HLF: variants seen among roughly 807,000 people sequenced by gnomAD.
HLF encodes the protein hepatic leukemia factor.
HLF carries 3 observed loss-of-function variants against 22.6 expected under a neutral mutation model. The observed-to-expected ratio is 0.13, with a 90% CI of 0.06 to 0.34. The LOEUF is 0.34. HLF is among the 10% of genes least tolerant of loss of function. The pLI, the probability that HLF is intolerant of heterozygous loss-of-function variation, is 1.00. For synonymous variants in HLF, 151 were observed against 151.8 expected (o/e 0.99, Z 0.04); for missense variants, 299 against 389.2 (o/e 0.77, Z 1.95).
Position 55,289,239 on chromosome 17 carries a change from C to CCAT in HLF, c.451+21154_451+21156dup, listed in dbSNP as rs745537688. ...TTGCTAAAGGCTTCCAAGCACCAGG[C>CCAT]CATGAGCAGTTGACCCCACCACAGA... On this transcript the variant is annotated intron_variant, in intron 2 of 3. Coordinates refer to ENST00000226067, the MANE Select transcript of HLF (RefSeq NM_002126.5). Among the ~76,000 whole-genome samples, 29 of 152,278 alleles carry CCAT rather than the reference C, an allele frequency of 1.9e-4. No homozygotes were observed. In the East Asian group the frequency reaches 5.6e-3, roughly 29 times the overall value.
intron 2 of HLF, among the ~76,000 whole-genome samples, chr17:55,280,100 T>TA (rs1235015636): frequency 1.3e-5 from 2 of 152,240 alleles, no homozygotes; most frequent in Non-Finnish European, 2.9e-5. Flanking sequence ...GCTCAGTATA[T>TA]AAATGGCAGC....
intron 2 of HLF, among the ~76,000 whole-genome samples, chr17:55,297,715 C>T (rs113276789): frequency 0.01 from 1,479 of 145,980 alleles, 17 homozygotes; most frequent in Non-Finnish European, 0.018. Flanking sequence ...CTGAGGACCA[C>T]GTGTCTTCAT....
At chr17:55,269,146 T>C (rs2080827226) in intron 2 of HLF, among the ~76,000 whole-genome samples, 1 of 152,122 alleles carries the variant, frequency 6.6e-6, no homozygotes, top group African/African-American at 2.4e-5. Context: ...CTGTGGCACA[T>C]GGAGCAAGAT....
chr17:55,312,440 T>C (rs1467778614), intron 2 of HLF, among the ~76,000 whole-genome samples: 1 of 152,220 alleles, frequency 6.6e-6, no homozygotes, highest in Non-Finnish European at 1.5e-5. Context: ...TAAAAACATA[T>C]ACCTAAAAAT....
At chr17:55,305,648 C>G (rs1904512017) in intron 2 of HLF, among the ~76,000 whole-genome samples, 1 of 152,210 alleles carries the variant, frequency 6.6e-6, no homozygotes, top group South Asian at 2.1e-4. Context: ...GTTTCACCCC[C>G]TCTCCCTCTC....
intron 1 of HLF, 155 bp from the exon 2 acceptor site, chr17:55,267,596 C>T (rs919327413): frequency 1.7e-6 from 1 of 573,492 alleles, no homozygotes; most frequent in Non-Finnish European, 3.0e-6. Flanking sequence ...CCTGCCTGAA[C>T]TTTTAACTCT....
chr17:55,301,323 G>C (rs2051778873), intron 2 of HLF, among the ~76,000 whole-genome samples: 1 of 152,240 alleles, frequency 6.6e-6, no homozygotes, highest in Admixed American at 6.5e-5. Flanking sequence ...CATAGTAGGG[G>C]CTCAATAAAA....
chr17:55,297,405 T>C (rs2081119881), intron 2 of HLF, among the ~76,000 whole-genome samples: 2 of 152,186 alleles, frequency 1.3e-5, no homozygotes, highest in South Asian at 4.1e-4. Context: ...TGTTCCCAGG[T>C]TGGCACATAG....
At chr17:55,280,736 C>T (rs1318777182) in intron 2 of HLF, among the ~76,000 whole-genome samples, 2 of 152,160 alleles carry the variant, frequency 1.3e-5, no homozygotes, top group Admixed American at 1.3e-4. Flanking sequence ...TGGCCTTCTG[C>T]TCTCCTTAGT....
Position 55,268,093 on chromosome 17 carries a change from G to A in HLF, c.451+7G>A. ...CAGAGCCCCATCAGACCAGGTAAGT[G>A]CCCTGAAGATTCTCCCTTCAGAAAG... On this transcript the variant is annotated splice_region_variant and intron_variant, in intron 2 of 3. Transcript: ENST00000226067. 2 of 1,515,886 alleles carry A rather than the reference G, an allele frequency of 1.3e-6. No homozygotes were observed. The highest frequency in any genetic ancestry group is 1.8e-6 in the Non-Finnish European group (2 of 1,130,498). The allele number at this position is 1,515,886 out of a possible 1,614,324, so 93.9% of individuals were successfully genotyped here. A position where few individuals can be genotyped will look rare whatever the true frequency, so the allele number is the denominator to read the frequency against.
In HLF at chr17:55,288,615, A is replaced by T. The variant is rs1295538709; in HGVS notation, c.451+20529A>T. Among the ~76,000 whole-genome samples the T allele has an allele frequency of 2.0e-5, 3 of 152,054 alleles. No individual in the cohort carries two copies. In the East Asian group the frequency reaches 5.9e-4, roughly 30 times the overall value. On this transcript the variant is annotated intron_variant, in intron 2 of 3. Transcript: ENST00000226067. ...CCATCTCTACCAAAAACAGAAAAAAATTAGCCAGGTGTGGTGTGGTGTCCC... is the reference window on the plus strand; with the variant it reads ...CCATCTCTACCAAAAACAGAAAAAATTTAGCCAGGTGTGGTGTGGTGTCCC...
At position 55,324,766 on chromosome 17, in the gene HLF, A is replaced by G. The variant is rs958794798; in HGVS notation, c.*3887A>G. On this transcript the variant is annotated 3_prime_UTR_variant, in exon 4 of 4. Transcript: ENST00000226067. ...CGGATATAGCAACTAAAGTCAATAC[A>G]TTTTGCAGGAGGCTAAGTGTAAGAG... is the stretch of plus-strand genomic sequence containing the variant. 4.3e-6 allele frequency: 1 copy of G among 233,162 alleles called. No individual in the cohort carries two copies. Among genetic ancestry groups the G allele is most frequent in the African/African-American group, 2.2e-5 (1 of 45,326 alleles). The allele number at this position is 233,162 out of a possible 1,614,324, so 14.4% of individuals were successfully genotyped here.
rs760633766 is a variant in HLF, at chr17:55,315,286, G to T, written c.511G>T (p.Val171Phe). Reference sequence around the variant, plus strand: ...TCCCATTGATCCTGACACCATCCAGGTCCCAGTGGGTTATGAGCCAGACCC... The same window carrying T: ...TCCCATTGATCCTGACACCATCCAGTTCCCAGTGGGTTATGAGCCAGACCC... ...PSPIDPDTIQ[V>F]PVGYEPDPAD... Residue 171 changes from valine (V) to phenylalanine (F), a missense_variant, in exon 3 of 4, where the codon GTC becomes TTC. By Grantham distance (50) the Val-to-Phe change is conservative (BLOSUM62 -1). Transcript: ENST00000226067. 6.2e-7 allele frequency: 1 copy of T among 1,614,124 alleles called. No individual in the cohort carries two copies. Among genetic ancestry groups the T allele is most frequent in the Non-Finnish European group, 8.5e-7 (1 of 1,180,010 alleles).
At chr17:55,308,517 C>T (rs1420131061) in intron 2 of HLF, among the ~76,000 whole-genome samples, 1 of 152,050 alleles carries the variant, frequency 6.6e-6, no homozygotes, top group Non-Finnish European at 1.5e-5. Context: ...AACGATAGTC[C>T]CTTTCCCCAA....
intron 1 of HLF, chr17:55,266,750 C>T: frequency 1.1e-6 from 1 of 871,642 alleles, no homozygotes; most frequent in Non-Finnish European, 1.4e-6. Flanking sequence ...GAAGATGAAA[C>T]TCAGAAGCAA....
rs143832364 is a variant in HLF at position 55,287,077 on chromosome 17, G to T, written c.451+18991G>T. On this transcript the variant is annotated intron_variant, in intron 2 of 3. Transcript: ENST00000226067. ...CTGGTAGATGCATTAGCTCAATCAGGGGGGAGGCAGGGGAGAAGCATGCTG... is the reference window on the plus strand; with the variant it reads ...CTGGTAGATGCATTAGCTCAATCAGTGGGGAGGCAGGGGAGAAGCATGCTG... Among the ~76,000 whole-genome samples the T allele has an allele frequency of 3.3e-5, 5 of 152,134 alleles. No homozygotes were observed. The East Asian group carries it at 5.8e-4, about 18-fold the overall frequency.
chr17:55,290,227 GACCCAGCAGTGC>G (rs780285003), intron 2 of HLF, among the ~76,000 whole-genome samples: 7 of 152,122 alleles, frequency 4.6e-5, no homozygotes, highest in Non-Finnish European at 8.8e-5. Flanking sequence ...TCTACCATAT[GACCCAGCAGTGC>G]CACTGCTGGG....
At chr17:55,270,931 C>A (rs897124985) in intron 2 of HLF, among the ~76,000 whole-genome samples, 1 of 152,160 alleles carries the variant, frequency 6.6e-6, no homozygotes, top group Non-Finnish European at 1.5e-5. Context: ...CGTGAGCCAC[C>A]GCGCCCGGCC....
At chr17:55,303,868 T>G (rs1360214514) in intron 2 of HLF, among the ~76,000 whole-genome samples, 6 of 152,216 alleles carry the variant, frequency 3.9e-5, no homozygotes, top group Admixed American at 2.0e-4. Context: ...TTGGCCATAT[T>G]GGTCCCAAAC....
Sources: gnomAD v4.1 joint callset for allele counts (sites outside exome capture counted in the v4.1 genomes callset) on GRCh38, gnomAD v4.1.1 for gene constraint, MANE v1.5 for transcripts, NCBI Gene and HGNC (gene_info 2026-07-23, HGNC 2026-07-21) for gene names.